The following NIBAN2 variants were observed in gnomAD, a reference collection of about 807,000 sequenced individuals.
NIBAN2 encodes protein Niban 2.
A neutral mutation model predicts 81.8 loss-of-function variants in NIBAN2; 36 were observed. That is an observed-to-expected ratio of 0.44 (90% CI 0.34 to 0.58). NIBAN2 has a LOEUF of 0.58. NIBAN2 is among the 20% of genes least tolerant of loss of function. The pLI is 0.02. For missense variants in NIBAN2, 897 were observed against 1,014.1 expected (o/e 0.88, Z 1.57); for synonymous variants, 445 against 441.6 (o/e 1.01, Z -0.10).
chr9:127,530,721 C>A (rs1319307164), intron 2 of NIBAN2, among the ~76,000 whole-genome samples: 2 of 152,242 alleles, frequency 1.3e-5, no homozygotes, highest in African/African-American at 4.8e-5. Context: ...TCCCATTTGA[C>A]AGATGAGTAA....
In NIBAN2 at chr9:127,554,023, G is replaced by C. The variant is rs559806961; in HGVS notation, c.55+14797C>G. Among the ~76,000 whole-genome samples the C allele has an allele frequency of 1.1e-3, 171 of 152,276 alleles. 2 individuals carry two copies. The highest frequency in any genetic ancestry group is 3.7e-3 in the African/African-American group (154 of 41,546). ...GCCTTCAGCACTCATCACGGAGAGA[G>C]ACTCTTTATTTGTGGAATCCATCTG... On this transcript the variant is annotated intron_variant, in intron 1 of 13. Transcript: ENST00000373312.
chr9:127,568,865 C>T lies in NIBAN2; in HGVS notation c.10G>A (p.Val4Met). 3 of 1,359,954 alleles carry T rather than the reference C, an allele frequency of 2.2e-6. No homozygotes were observed. The highest frequency in any genetic ancestry group is 3.2e-5 in the South Asian group (2 of 62,836). The allele number at this position is 1,359,954 out of a possible 1,614,324, so 84.2% of individuals were successfully genotyped here. The stretch of plus-strand genomic sequence containing the variant: ...GCGTCGTCCAGGTGCGTGGACAGCA[C>T]GTCCCCCATGGCCAGGAGGTGTCGC... MGD[V>M]LSTHLDDARR... Residue 4 changes from valine (V) to methionine (M), a missense_variant, in exon 1 of 14, where the codon GTG (valine) becomes ATG (methionine). Coordinates refer to ENST00000373312, the MANE Select transcript of NIBAN2 (RefSeq NM_022833.4).
chr9:127,517,047 CA>C lies in NIBAN2; in HGVS notation c.811-29del, dbSNP rs780615458. The C allele has an allele frequency of 5.0e-6, 8 of 1,611,574 alleles. No homozygotes were observed. The East Asian group carries it at 1.8e-4, about 36-fold the overall frequency. On this transcript the variant is annotated intron_variant, in intron 7 of 13. Transcript: ENST00000373312. The surrounding 1 kb of genome is among the most constrained non-coding windows in gnomAD (Gnocchi z 4.0). ...GTGGGCAGAGCAGCTGAATTGGCACCAGGGCTGAGGGCACCGCACCAGCTGC... is the reference window on the plus strand; with the variant it reads ...GTGGGCAGAGCAGCTGAATTGGCACCGGGCTGAGGGCACCGCACCAGCTGC...
chr9:127,514,105 C>A (rs972085236), intron 8 of NIBAN2, among the ~76,000 whole-genome samples: 8 of 151,870 alleles, frequency 5.3e-5, no homozygotes, highest in African/African-American at 1.9e-4. Context: ...CCCATTTCTA[C>A]TAAAAATACA....
intron 8 of NIBAN2, among the ~76,000 whole-genome samples, chr9:127,513,582 G>A (rs968368292): frequency 2.6e-5 from 4 of 152,120 alleles, no homozygotes; most frequent in Non-Finnish European, 5.9e-5. Flanking sequence ...GACCTCGGTC[G>A]TCCTCACTGC....
chr9:127,569,191 A>ACCCCGCCCCG (rs1212300066), upstream of NIBAN2: 4 of 441,008 alleles, frequency 9.1e-6, no homozygotes, highest in African/African-American at 6.3e-5. Context: ...GCCGCGTCCC[A>ACCCCGCCCCG]CCCCGCCCCG....
Position 127,506,788 on chromosome 9 carries a change from G to A in NIBAN2, c.*57C>T. 3.4e-6 allele frequency: 5 copies of A among 1,475,942 alleles called. No homozygotes were observed. The highest frequency in any genetic ancestry group is 2.3e-5 in the East Asian group (1 of 43,400). The allele number at this position is 1,475,942 out of a possible 1,614,324, so 91.4% of individuals were successfully genotyped here. A position where few individuals can be genotyped will look rare whatever the true frequency, so the allele number is the denominator to read the frequency against. On this transcript the variant is annotated 3_prime_UTR_variant, in exon 14 of 14. Transcript: ENST00000373312. ...GGGTGCCCTCCCCAGAGCTGAGCCT[G>A]CCTGGGTCCGGAAGGGAACGGCCTG...
intron 1 of NIBAN2, among the ~76,000 whole-genome samples, chr9:127,555,774 A>G (rs903379809): frequency 1.3e-5 from 2 of 152,256 alleles, no homozygotes; most frequent in African/African-American, 4.8e-5. Flanking sequence ...CTCCCAGGGA[A>G]GAGTGGCCAT....
In NIBAN2 at chr9:127,538,662, C is replaced by T. The variant is rs551373067; in HGVS notation, c.56-6884G>A. Among the ~76,000 whole-genome samples the T allele has an allele frequency of 1.8e-4, 26 of 142,840 alleles. No homozygotes were observed. In the South Asian group the frequency reaches 5.1e-3, roughly 28 times the overall value. The allele number at this position is 142,840 out of a possible 152,430, so 93.7% of individuals were successfully genotyped here. ...AAAAAAAAAAAGAAATGCAGTTGTG[C>T]GGCCGGGCACAGTGGCTCACGCCTG... is the stretch of plus-strand genomic sequence containing the variant. On this transcript the variant is annotated intron_variant, in intron 1 of 13. Coordinates refer to ENST00000373312, the MANE Select transcript of NIBAN2 (RefSeq NM_022833.4).
chr9:127,506,976 C>T lies in NIBAN2; in HGVS notation c.2110G>A (p.Gly704Arg), dbSNP rs1431071100. The change falls in exon 14 of 14, where the codon GGA (glycine) becomes AGA (arginine). Residue 704 changes from glycine (G) to arginine (R), a missense_variant. By Grantham distance (125) the Gly-to-Arg change is moderately radical. This residue lies in a region of NIBAN2 where 619 missense variants were observed against 691.0 expected (regional missense o/e 0.90). Coordinates refer to ENST00000373312, the MANE Select transcript of NIBAN2 (RefSeq NM_022833.4). ...GGGGGCCCAAGGTCCACAGCCTTTC[C>T]AGGCAGGAGATGCTGGAGGGGTGAG... Reference protein sequence around the residue: ...PASPLQHLLPGKAVDLGPPKP... With the variant: ...PASPLQHLLPRKAVDLGPPKP... The T allele has an allele frequency of 6.2e-7, 1 of 1,602,124 alleles. No homozygotes were observed. The highest frequency in any genetic ancestry group is 8.5e-7 in the Non-Finnish European group (1 of 1,173,888).
chr9:127,545,116 G>A lies in NIBAN2; in HGVS notation c.56-13338C>T, dbSNP rs113025661. Among the ~76,000 whole-genome samples the A allele has an allele frequency of 3.3e-3, 504 of 152,284 alleles. 1 individual carries two copies. Among genetic ancestry groups the A allele is most frequent in the African/African-American group, 0.012 (479 of 41,548 alleles). On this transcript the variant is annotated intron_variant, in intron 1 of 13. Transcript: ENST00000373312. This position sits in a 1 kb window ranked among gnomAD's most constrained non-coding sequence, Gnocchi z 4.7. ...TCAGCCCCTCAGCTTCCTCCTCAGC[G>A]GAGGAAATCTGGCCTCTGGCCTTGG...
At chr9:127,548,309 C>T (rs1023066687) in intron 1 of NIBAN2, among the ~76,000 whole-genome samples, 2 of 152,214 alleles carry the variant, frequency 1.3e-5, no homozygotes, top group African/African-American at 2.4e-5. Context: ...AGAACCTCGA[C>T]CGACCACAGC....
At chr9:127,565,277 T>C (rs1268014139) in intron 1 of NIBAN2, among the ~76,000 whole-genome samples, 1 of 151,934 alleles carries the variant, frequency 6.6e-6, no homozygotes, top group Non-Finnish European at 1.5e-5. Context: ...ACACATTACT[T>C]TTGCAATTAG....
chr9:127,527,064 G>A lies in NIBAN2; in HGVS notation c.315+130C>T, dbSNP rs1837080819. On this transcript the variant is annotated intron_variant, in intron 3 of 13. Coordinates refer to ENST00000373312, the MANE Select transcript of NIBAN2 (RefSeq NM_022833.4). ...TTGGGGGAGGGGAGGGGCTGAGGTGGTGCTCTGGCCCTGGTGACCGCGTGC... is the reference window on the plus strand; with the variant it reads ...TTGGGGGAGGGGAGGGGCTGAGGTGATGCTCTGGCCCTGGTGACCGCGTGC... The A allele has an allele frequency of 5.3e-6, 6 of 1,121,578 alleles. No individual in the cohort carries two copies. The Admixed American group carries it at 1.1e-4, about 21-fold the overall frequency. The allele number at this position is 1,121,578 out of a possible 1,614,324, so 69.5% of individuals were successfully genotyped here.
chr9:127,547,682 A>G (rs1429439148), intron 1 of NIBAN2, among the ~76,000 whole-genome samples: 1 of 149,598 alleles, frequency 6.7e-6, no homozygotes, highest in Non-Finnish European at 1.5e-5. Flanking sequence ...TACTAAATAT[A>G]CAAAAGTAGC....
At chr9:127,515,627 A>G (rs1432142339) in intron 8 of NIBAN2, among the ~76,000 whole-genome samples, 1 of 152,292 alleles carries the variant, frequency 6.6e-6, no homozygotes, top group East Asian at 1.9e-4. Flanking sequence ...ACTTGAGGTT[A>G]AGAATTCAAG....
At chr9:127,510,047 G>T in intron 9 of NIBAN2, 99 bp downstream of exon 9, 3 of 1,186,238 alleles carry the variant, frequency 2.5e-6, no homozygotes, top group African/African-American at 1.5e-5. Flanking sequence ...GGACGGCCTT[G>T]GAGGGGAACG....
intron 1 of NIBAN2, among the ~76,000 whole-genome samples, chr9:127,555,807 C>T (rs987453584): frequency 2.0e-5 from 3 of 152,224 alleles, no homozygotes; most frequent in Non-Finnish European, 4.4e-5. Context: ...ATTCGCCCTC[C>T]GGTAATGATT....
chr9:127,521,293 C>G (rs911397112), intron 5 of NIBAN2, among the ~76,000 whole-genome samples: 5 of 152,192 alleles, frequency 3.3e-5, no homozygotes, highest in Non-Finnish European at 7.4e-5. Context: ...GGGGCTTGAA[C>G]CCAGGACCAG....
Sources: allele counts gnomAD v4.1 joint callset (sites outside exome capture counted in the v4.1 genomes callset), GRCh38; gene constraint gnomAD v4.1.1; regional missense constraint gnomAD v4.1.1; non-coding constraint Gnocchi (gnomAD v3.1); transcripts MANE v1.5; gene names NCBI Gene and HGNC (gene_info 2026-07-23, HGNC 2026-07-21).